CNIH2: variants seen among roughly 807,000 people sequenced by gnomAD.
CNIH2 encodes the protein protein cornichon homolog 2.
Under a neutral mutation model 22.9 loss-of-function variants are expected in CNIH2, and 8 were observed. That is an observed-to-expected ratio of 0.35 (90% CI 0.20 to 0.63). The LOEUF (loss-of-function observed/expected upper bound fraction) is 0.63, where lower values mean the gene tolerates loss of function less well. Ranked by LOEUF, CNIH2 falls within the 30% of genes least tolerant of loss-of-function variation. The pLI, the probability that CNIH2 is intolerant of heterozygous loss-of-function variation, is 0.72. For synonymous variants in CNIH2, 74 were observed against 78.2 expected (o/e 0.95, Z 0.28); for missense variants, 105 against 206.2 (o/e 0.51, Z 3.01).
In CNIH2 at chr11:66,283,415, A is replaced by G. The variant is rs761222453; in HGVS notation, c.455+24A>G. On this transcript the variant is annotated intron_variant, in intron 5 of 5. Coordinates refer to ENST00000311445, the MANE Select transcript of CNIH2 (RefSeq NM_182553.3). ...AGGTGAGGCCTTGCCCACAGCAGTC[A>G]GAACTCAGGGAAGGGATGTCCCAGC... The G allele has an allele frequency of 5.0e-6, 8 of 1,613,780 alleles. No homozygotes were observed. The East Asian group carries it at 1.8e-4, about 36-fold the overall frequency.
At chr11:66,283,474 C>G in intron 5 of CNIH2, 83 bp downstream of exon 5, 1 of 1,610,028 alleles carries the variant, frequency 6.2e-7, no homozygotes, top group African/African-American at 1.3e-5. Flanking sequence ...CTGCCTTTTG[C>G]CCCTGAGGAC....
intron 2 of CNIH2, 23 bp downstream of exon 2, chr11:66,282,350 C>T (rs1443070120): frequency 8.8e-6 from 12 of 1,363,574 alleles, no homozygotes; most frequent in East Asian, 4.5e-5. Context: ...TGTGCTGTGC[C>T]GAGGTGTGTC....
chr11:66,278,667 G>T (rs949956896), intron 1 of CNIH2, 130 bp downstream of exon 1: 22 of 559,678 alleles, frequency 3.9e-5, no homozygotes, highest in African/African-American at 6.2e-5. Flanking sequence ...CGGCTTGTCG[G>T]CTTCGCCCCC....
rs1020428953 is a variant in CNIH2 at position 66,282,303 on chromosome 11, C to G, written c.126C>G (p.Ile42Met). 8 of 1,613,808 alleles carry G rather than the reference C, an allele frequency of 5.0e-6. No individual in the cohort carries two copies. Among genetic ancestry groups the G allele is most frequent in the Non-Finnish European group, 6.8e-6 (8 of 1,180,008 alleles). ...TGCGGACCGACTTCAAGAACCCCAT[C>G]GACCAGGGGAACCCTGCGCGGGCAG... ...DELRTDFKNP[I>M]DQGNPARARE... is the part of the protein sequence containing the mutation. The change falls in exon 2 of 6, where the codon ATC becomes ATG. Residue 42 changes from isoleucine (I) to methionine (M), a missense_variant. Transcript: ENST00000311445.
At chr11:66,283,493 G>A (rs927501414) in intron 5 of CNIH2, 77 bp from the exon 6 acceptor site, 2 of 1,608,248 alleles carry the variant, frequency 1.2e-6, no homozygotes, top group Non-Finnish European at 1.7e-6. Flanking sequence ...ACTGAGGGCA[G>A]CCCAGGGTGT....
intron 1 of CNIH2, chr11:66,281,674 G>A (rs570118842): frequency 5.6e-5 from 20 of 356,582 alleles, no homozygotes; most frequent in South Asian, 2.5e-4. Flanking sequence ...CTTCCTGCTC[G>A]CTGCGCTGTC....
At chr11:66,282,683 A>G in intron 2 of CNIH2, 50 bp from the exon 3 acceptor site, 1 of 1,608,206 alleles carries the variant, frequency 6.2e-7, no homozygotes, top group South Asian at 1.1e-5. Flanking sequence ...GAGCTGCTCC[A>G]GTACCTGCTT....
chr11:66,280,157 C>A (rs915206335), intron 1 of CNIH2, among the ~76,000 whole-genome samples: 9 of 152,192 alleles, frequency 5.9e-5, no homozygotes, highest in African/African-American at 2.2e-4. Context: ...TTGATGCTTC[C>A]CAAAGATCAG....
At chr11:66,282,423 T>TGGGGGTCTGGGGGGGGGGGGGG in intron 2 of CNIH2, 96 bp downstream of exon 2, 1 of 147,068 alleles carries the variant, frequency 6.8e-6, no homozygotes, top group Non-Finnish European at 1.3e-5. Flanking sequence ...GGGGGTGGGG[T>TGGGGGTCTGGGGGGGGGGGGGG]GGGGGGCCTA....
intron 2 of CNIH2, 135 bp downstream of exon 2, chr11:66,282,462 G>A: frequency 1.8e-6 from 2 of 1,115,530 alleles, no homozygotes; most frequent in Non-Finnish European, 2.6e-6. Context: ...CTCTGTCTCC[G>A]CCCCCAGCAA....
intron 1 of CNIH2, among the ~76,000 whole-genome samples, chr11:66,278,771 C>T (rs1857206245): frequency 6.6e-6 from 1 of 151,124 alleles, no homozygotes; most frequent in South Asian, 2.1e-4. Flanking sequence ...CTCTGACCCC[C>T]TCCTCTGCCC....
At chr11:66,281,266 G>A (rs1349163003) in intron 1 of CNIH2, among the ~76,000 whole-genome samples, 1 of 152,152 alleles carries the variant, frequency 6.6e-6, no homozygotes, top group Non-Finnish European at 1.5e-5. Context: ...GAGTCACACT[G>A]GGTTAGAATC....
chr11:66,282,221 G>A, intron 1 of CNIH2, 38 bp from the exon 2 acceptor site: 1 of 1,571,980 alleles, frequency 6.4e-7, no homozygotes, highest in Non-Finnish European at 8.8e-7. Flanking sequence ...GCCATAAGCT[G>A]CTGCCCCAAC....
At chr11:66,278,857 C>A (rs1453016113) in intron 1 of CNIH2, among the ~76,000 whole-genome samples, 1 of 121,620 alleles carries the variant, frequency 8.2e-6, no homozygotes, top group Non-Finnish European at 1.8e-5. Flanking sequence ...CTTCTATGTC[C>A]CCCCCCACCA....
At chr11:66,279,600 A>G (rs959072821) in intron 1 of CNIH2, among the ~76,000 whole-genome samples, 3 of 151,060 alleles carry the variant, frequency 2.0e-5, no homozygotes, top group Non-Finnish European at 4.4e-5. Context: ...CCTCAATCCC[A>G]TTTCCCATAG....
intron 1 of CNIH2, among the ~76,000 whole-genome samples, chr11:66,278,869 C>T (rs1402632720): frequency 8.4e-6 from 1 of 119,308 alleles, no homozygotes; most frequent in Non-Finnish European, 1.8e-5. Flanking sequence ...CCCCCACCAC[C>T]ATCCAGCCGC....
chr11:66,280,742 C>G (rs1857247954), intron 1 of CNIH2, among the ~76,000 whole-genome samples: 1 of 152,130 alleles, frequency 6.6e-6, no homozygotes, highest in Non-Finnish European at 1.5e-5. Flanking sequence ...AGTGGCGCTG[C>G]CCAGAGTCAA....
intron 1 of CNIH2, among the ~76,000 whole-genome samples, chr11:66,278,919 C>T (rs1353939166): frequency 1.0e-5 from 1 of 95,992 alleles, no homozygotes; most frequent in Non-Finnish European, 2.4e-5. Flanking sequence ...TCTGCTGCCC[C>T]CCCCCCCCCG....
rs1366155955 is a variant in CNIH2, at chr11:66,282,243, C to A, written c.82-16C>A. 6.2e-7 allele frequency: 1 copy of A among 1,611,712 alleles called. No individual in the cohort carries two copies. Among genetic ancestry groups the A allele is most frequent in the Non-Finnish European group, 8.5e-7 (1 of 1,178,148 alleles). ...GCTGCTGCCCCAACCCTGACGGGCA[C>A]ACGCCCCTCCCCCAGATCATAGCCT... On this transcript the variant is annotated splice_polypyrimidine_tract_variant and intron_variant, in intron 1 of 5. Coordinates refer to ENST00000311445, the MANE Select transcript of CNIH2 (RefSeq NM_182553.3).
Sources: allele counts gnomAD v4.1 joint callset (sites outside exome capture counted in the v4.1 genomes callset), GRCh38; gene constraint gnomAD v4.1.1; transcripts MANE v1.5; gene names NCBI Gene and HGNC (gene_info 2026-07-23, HGNC 2026-07-21).